CIB4: variants seen among roughly 807,000 people sequenced by gnomAD.
The protein encoded by CIB4 is calcium and integrin-binding family member 4.
In CIB4, 25 loss-of-function variants were observed where a neutral mutation model predicts 25.8. The observed-to-expected ratio is 0.97, with a 90% CI of 0.71 to 1.35. CIB4 has a LOEUF of 1.35. CIB4 is among the 40% of genes most tolerant of loss of function. The pLI is 0.00. For missense variants in CIB4, 235 were observed against 228.2 expected (o/e 1.03, Z -0.19); for synonymous variants, 75 against 81.4 (o/e 0.92, Z 0.42).
At position 26,589,044 on chromosome 2, in the gene CIB4, CTTCTTCTTCT is replaced by C. The variant is rs1558554734; in HGVS notation, c.329-5156_329-5147del. 2.2e-4 allele frequency among the ~76,000 whole-genome samples: 11 copies of C among 50,568 alleles called. 1 individual carries two copies. Among genetic ancestry groups the C allele is most frequent in the African/African-American group, 8.6e-4 (10 of 11,636 alleles). 33.2% of individuals were successfully genotyped at this position (50,568 alleles called of 152,430 possible). A position where few individuals can be genotyped will look rare whatever the true frequency, so the allele number is the denominator to read the frequency against. ...TCTTCTTCTTCTTCTTCTTCTTCTT[CTTCTTCTTCT>C]TCTTCCTCTTCCTCTTCCTCTTCTT... On this transcript the variant is annotated intron_variant, in intron 4 of 6. Coordinates refer to ENST00000288861, the MANE Select transcript of CIB4 (RefSeq NM_001029881.3).
At chr2:26,633,908 C>T (rs1042153895) in intron 2 of CIB4, among the ~76,000 whole-genome samples, 6 of 152,172 alleles carry the variant, frequency 3.9e-5, no homozygotes, top group African/African-American at 1.4e-4. Context: ...AGTTTCCCTT[C>T]TGTGAAATTA....
chr2:26,598,425 C>T (rs1311211410), intron 3 of CIB4, among the ~76,000 whole-genome samples: 1 of 151,944 alleles, frequency 6.6e-6, no homozygotes, highest in Non-Finnish European at 1.5e-5. Flanking sequence ...GTGAGAGGCA[C>T]GGGAGGGGGC....
chr2:26,595,044 G>T (rs1668653642), intron 4 of CIB4, 132 bp downstream of exon 4: 15 of 807,620 alleles, frequency 1.9e-5, no homozygotes, highest in Non-Finnish European at 2.7e-5. Flanking sequence ...TGCAAAATAT[G>T]ACACAGACCC....
At chr2:26,607,901 A>T (rs946122568) in intron 3 of CIB4, among the ~76,000 whole-genome samples, 1 of 152,226 alleles carries the variant, frequency 6.6e-6, no homozygotes, top group African/African-American at 2.4e-5. Context: ...AGCCAGGCTG[A>T]TGTGAATGTC....
chr2:26,591,789 T>TG (rs1447000116), intron 4 of CIB4, among the ~76,000 whole-genome samples: 1 of 152,208 alleles, frequency 6.6e-6, no homozygotes, highest in Non-Finnish European at 1.5e-5. Context: ...AAGAAGCAAG[T>TG]GGCCAGGTTG....
At chr2:26,586,967 C>A (rs1403501290) in intron 4 of CIB4, among the ~76,000 whole-genome samples, 1 of 152,022 alleles carries the variant, frequency 6.6e-6, no homozygotes, top group Non-Finnish European at 1.5e-5. Flanking sequence ...GACAGGAGGA[C>A]CTGGGATCCC....
chr2:26,633,856 G>A (rs1205665544), intron 2 of CIB4, among the ~76,000 whole-genome samples: 2 of 152,160 alleles, frequency 1.3e-5, no homozygotes, highest in Admixed American at 1.3e-4. Context: ...GCTGCTGACT[G>A]TCCGTGGGAC....
chr2:26,605,397 T>C, intron 3 of CIB4: 1 of 430,504 alleles, frequency 2.3e-6, no homozygotes, highest in Non-Finnish European at 4.8e-6. Flanking sequence ...CATTCCACCC[T>C]GTGCTCCTGG....
At chr2:26,615,626 C>T (rs977751585) in intron 3 of CIB4, among the ~76,000 whole-genome samples, 4 of 152,226 alleles carry the variant, frequency 2.6e-5, no homozygotes, top group African/African-American at 9.6e-5. Context: ...ACCTTCCTCA[C>T]CTGTGGGAGG....
At position 26,629,494 on chromosome 2, in the gene CIB4, G is replaced by A; in HGVS notation, c.102C>T (p.Thr34=). 6.4e-7 allele frequency: 1 copy of A among 1,571,830 alleles called. No homozygotes were observed. Among genetic ancestry groups the A allele is most frequent in the Non-Finnish European group, 8.6e-7 (1 of 1,157,456 alleles). The change falls in exon 3 of 7, where the codon ACC becomes ACT. Residue 34 remains threonine, a synonymous_variant. Transcript: ENST00000288861. ...TCCCAGGAGGGCAGAGCTTCAGGAAGGTGTCATGGATGCTGAAAAGAGAGG... is the reference window on the plus strand; with the variant it reads ...TCCCAGGAGGGCAGAGCTTCAGGAAAGTGTCATGGATGCTGAAAAGAGAGG... ...TRNEILCIHD[T]FLKLCPPGKY...
chr2:26,622,553 G>T (rs1179247915), intron 3 of CIB4, among the ~76,000 whole-genome samples: 1 of 152,026 alleles, frequency 6.6e-6, no homozygotes, highest in African/African-American at 2.4e-5. Context: ...AATACAAGGT[G>T]CTCTTTAAAG....
chr2:26,613,140 C>T (rs568366888), intron 3 of CIB4, among the ~76,000 whole-genome samples: 2 of 152,108 alleles, frequency 1.3e-5, no homozygotes, highest in African/African-American at 2.4e-5. Context: ...TTTTTCCCAC[C>T]GGAGCCTGAT....
rs1384570057 is a variant in CIB4 at position 26,600,115 on chromosome 2, G to A, written c.187-4798C>T. 5.1e-5 allele frequency among the ~76,000 whole-genome samples: 7 copies of A among 136,390 alleles called. 1 individual carries two copies. Among genetic ancestry groups the A allele is most frequent in the Non-Finnish European group, 7.7e-5 (5 of 64,586 alleles). 89.5% of individuals were successfully genotyped at this position (136,390 alleles called of 152,430 possible). On this transcript the variant is annotated intron_variant, in intron 3 of 6. Transcript: ENST00000288861. ...TATGATTAATGTTTATTGACTGGGC[G>A]CAGTGGCTGCTAGGCATGGTGGCTC...
rs760209904 is a variant in CIB4, at chr2:26,581,356, C to T, written c.*7G>A. On this transcript the variant is annotated 3_prime_UTR_variant, in exon 7 of 7. Transcript: ENST00000288861. ...CGAGGCTGCCATGTCAGGTGTTTGC[C>T]GCTACATCAGCATCCCCAGAAGTGA... 6.8e-6 allele frequency: 11 copies of T among 1,612,830 alleles called. No homozygotes were observed. The highest frequency in any genetic ancestry group is 2.2e-5 in the South Asian group (2 of 91,020).
chr2:26,583,673 C>G (rs1260128990), intron 5 of CIB4, 116 bp downstream of exon 5: 1 of 719,620 alleles, frequency 1.4e-6, no homozygotes, highest in African/African-American at 1.7e-5. Flanking sequence ...TGTCATCTGC[C>G]TCAGGCTGGC....
At position 26,627,868 on chromosome 2, in the gene CIB4, G is replaced by A. The variant is rs563642172; in HGVS notation, c.186+1542C>T. On this transcript the variant is annotated intron_variant, in intron 3 of 6. Transcript: ENST00000288861. This position sits in a 1 kb window ranked among gnomAD's most constrained non-coding sequence, Gnocchi z 4.0. ...TCTGTCTCTGTCTGCCCTACAGATA[G>A]GCCTGTCACTTAGGAGGGGCCGTGC... is the stretch of plus-strand genomic sequence containing the variant. Among the ~76,000 whole-genome samples the A allele has an allele frequency of 6.6e-6, 1 of 151,570 alleles. No homozygotes were observed. Among genetic ancestry groups the A allele is most frequent in the South Asian group, 2.1e-4 (1 of 4,784 alleles).
At chr2:26,593,347 C>T (rs1325432577) in intron 4 of CIB4, among the ~76,000 whole-genome samples, 4 of 150,520 alleles carry the variant, frequency 2.7e-5, no homozygotes, top group South Asian at 2.1e-4. Flanking sequence ...TGTATATATA[C>T]ATATATACAT....
intron 3 of CIB4, among the ~76,000 whole-genome samples, chr2:26,621,264 A>AC (rs1234116361): frequency 6.6e-6 from 1 of 151,666 alleles, no homozygotes; most frequent in East Asian, 1.9e-4. Context: ...AAAAAAAAAA[A>AC]AAAAAAACAG....
At position 26,581,386 on chromosome 2, in the gene CIB4, GA is replaced by G; in HGVS notation, c.534del (p.Arg179GlyfsTer14). ...CATCAGCATCCCCAGAAGTGAATCC[GA>G]AAGGAGCTGAAAGAAAGAATCCCGT... ...MAKSPDFMNSFRIHFWGC is the reference protein window; with the variant it reads ...MAKSPDFMNSXRIHFWGC On this transcript the variant is annotated frameshift_variant, in exon 7 of 7. Transcript: ENST00000288861. LOFTEE classifies it high-confidence loss of function. 6.2e-7 allele frequency: 1 copy of G among 1,613,578 alleles called. No individual in the cohort carries two copies. The highest frequency in any genetic ancestry group is 8.5e-7 in the Non-Finnish European group (1 of 1,179,688).
Sources: allele counts gnomAD v4.1 joint callset (sites outside exome capture counted in the v4.1 genomes callset), GRCh38; gene constraint gnomAD v4.1.1; non-coding constraint Gnocchi (gnomAD v3.1); transcripts MANE v1.5; gene names NCBI Gene and HGNC (gene_info 2026-07-23, HGNC 2026-07-21).